KIF16B: variants seen among roughly 807,000 people sequenced by gnomAD.
The protein encoded by KIF16B is kinesin-like protein KIF16B.
A neutral mutation model predicts 156.3 loss-of-function variants in KIF16B; 98 were observed. The observed-to-expected ratio is 0.63, with a 90% CI of 0.53 to 0.74. The LOEUF is 0.74. Ranked by LOEUF, KIF16B falls within the 30% of genes least tolerant of loss-of-function variation. The probability of loss-of-function intolerance (pLI) is 0.00; values close to 1 mark genes in which losing one functional copy is unlikely to be tolerated. For synonymous variants in KIF16B, 564 were observed against 583.7 expected, an observed-to-expected ratio of 0.97 and a Z score of 0.49; for missense variants, 1,421 against 1,606.5, an observed-to-expected ratio of 0.88 and a Z score of 1.97.
chr20:16,389,049 C>T (rs1402567544), intron 17 of KIF16B, among the ~76,000 whole-genome samples: 2 of 151,874 alleles, frequency 1.3e-5, no homozygotes, highest in East Asian at 1.9e-4. Context: ...AGGCGGTCTC[C>T]CTATGGGACA....
rs6111044 is a variant in KIF16B at position 16,312,374 on chromosome 20, C to T, written c.3756G>A (p.Lys1252=). The T allele has an allele frequency of 1.2e-6, 2 of 1,613,496 alleles. No individual in the cohort carries two copies. Among genetic ancestry groups the T allele is most frequent in the Non-Finnish European group, 1.7e-6 (2 of 1,179,800 alleles). ...GTCTCTCAGCAATCACACGTTCATC[C>T]TTATTTCCAAATAGTTTCTTTGGAG... ...EFPPKKLFGN[K]DERVIAERRS... The change falls in exon 25 of 26, where the codon AAG becomes AAA. Residue 1252 remains lysine (K), a synonymous_variant. Coordinates refer to ENST00000354981, the MANE Select transcript of KIF16B (RefSeq NM_024704.5).
chr20:16,542,371 T>A (rs187511723), intron 1 of KIF16B, among the ~76,000 whole-genome samples: 62 of 152,234 alleles, frequency 4.1e-4, no homozygotes, highest in African/African-American at 1.4e-3. Context: ...ATAGCCTCAG[T>A]GCAGGAATAA....
intron 12 of KIF16B, among the ~76,000 whole-genome samples, chr20:16,458,122 C>T (rs1451150010): frequency 2.0e-5 from 3 of 152,262 alleles, no homozygotes; most frequent in East Asian, 3.9e-4. Flanking sequence ...TGCCAAAATG[C>T]AGCTGCTGTA....
In KIF16B at chr20:16,406,367, C is replaced by A. The variant is rs1568943406; in HGVS notation, c.1695+7G>T. 2 of 1,612,530 alleles carry A rather than the reference C, an allele frequency of 1.2e-6. No individual in the cohort carries two copies. The highest frequency in any genetic ancestry group is 4.5e-5 in the East Asian group (2 of 44,866). On this transcript the variant is annotated splice_region_variant and intron_variant, in intron 16 of 25. Transcript: ENST00000354981. ...TGGTTCCCTCCTAGAGACGCCGTGT[C>A]CCTCACCTTCCTCTTCTCCCTGAGC...
intron 1 of KIF16B, among the ~76,000 whole-genome samples, chr20:16,532,896 A>G (rs1296746164): frequency 1.3e-5 from 2 of 152,128 alleles, no homozygotes; most frequent in Non-Finnish European, 2.9e-5. Flanking sequence ...ATAACTCCCC[A>G]TCTCAGAACC....
chr20:16,499,343 C>T (rs2068549856), intron 10 of KIF16B, among the ~76,000 whole-genome samples: 1 of 152,206 alleles, frequency 6.6e-6, no homozygotes. Flanking sequence ...AGATGTAATT[C>T]ACCAGTTAGG....
At chr20:16,550,917 A>C (rs2070625628) in intron 1 of KIF16B, among the ~76,000 whole-genome samples, 1 of 152,154 alleles carries the variant, frequency 6.6e-6, no homozygotes, top group South Asian at 2.1e-4. Context: ...AGTTGCCAAC[A>C]TATTTAAAAT....
intron 15 of KIF16B, 26 bp downstream of exon 15, chr20:16,427,078 G>A (rs759959710): frequency 1.3e-6 from 2 of 1,582,506 alleles, no homozygotes; most frequent in Non-Finnish European, 1.7e-6. Context: ...TATATACAAA[G>A]ACCTGTGAAA....
At chr20:16,536,791 C>A (rs946667447) in intron 1 of KIF16B, among the ~76,000 whole-genome samples, 7 of 152,140 alleles carry the variant, frequency 4.6e-5, no homozygotes, top group African/African-American at 1.7e-4. Context: ...TCCTTCCCAT[C>A]CACACCCTGT....
At chr20:16,368,356 C>A in intron 22 of KIF16B, 1 of 989,274 alleles carries the variant, frequency 1.0e-6, no homozygotes, top group Non-Finnish European at 1.2e-6. Flanking sequence ...GCTCTCGCTG[C>A]TGCCAACCCG....
chr20:16,486,794 A>G (rs2068129282), intron 12 of KIF16B, among the ~76,000 whole-genome samples: 1 of 152,200 alleles, frequency 6.6e-6, no homozygotes, highest in South Asian at 2.1e-4. Context: ...CTGAGGTCAG[A>G]AGCATCAAAT....
At chr20:16,525,113 C>T (rs537647649) in intron 3 of KIF16B, among the ~76,000 whole-genome samples, 28 of 152,146 alleles carry the variant, frequency 1.8e-4, no homozygotes, top group African/African-American at 5.8e-4. Flanking sequence ...CGCCATGGCA[C>T]GTGTATACCT....
At chr20:16,476,569 A>AG (rs2146801639) in intron 12 of KIF16B, among the ~76,000 whole-genome samples, 1 of 152,322 alleles carries the variant, frequency 6.6e-6, no homozygotes, top group East Asian at 1.9e-4. Flanking sequence ...AAATCTCTAA[A>AG]GGAGAACAAT....
At chr20:16,563,108 A>C (rs1004794132) in intron 1 of KIF16B, among the ~76,000 whole-genome samples, 16 of 152,254 alleles carry the variant, frequency 1.1e-4, no homozygotes, top group African/African-American at 3.9e-4. Flanking sequence ...TCACAGAAAC[A>C]GCTATTTCCT....
intron 12 of KIF16B, among the ~76,000 whole-genome samples, chr20:16,480,564 T>C (rs74733599): frequency 6.6e-6 from 1 of 152,222 alleles, no homozygotes; most frequent in African/African-American, 2.4e-5. Flanking sequence ...TCAGAATGAG[T>C]AGGAACTCAA....
At chr20:16,448,562 G>A (rs1333756596) in intron 12 of KIF16B, among the ~76,000 whole-genome samples, 1 of 152,096 alleles carries the variant, frequency 6.6e-6, no homozygotes, top group Non-Finnish European at 1.5e-5. Context: ...CCTCAGCCAG[G>A]CAAAAGCAAA....
At chr20:16,441,025 T>C (rs1168358386) in intron 12 of KIF16B, among the ~76,000 whole-genome samples, 1 of 152,208 alleles carries the variant, frequency 6.6e-6, no homozygotes, top group African/African-American at 2.4e-5. Flanking sequence ...AACTAGACTT[T>C]TTAAGTAGAG....
At chr20:16,415,074 G>C (rs1287087263) in intron 15 of KIF16B, among the ~76,000 whole-genome samples, 1 of 152,132 alleles carries the variant, frequency 6.6e-6, no homozygotes, top group African/African-American at 2.4e-5. Context: ...TCAGGACACA[G>C]CCTCATTGTA....
At chr20:16,298,864 C>T (rs1008190592) in intron 25 of KIF16B, among the ~76,000 whole-genome samples, 2 of 149,712 alleles carry the variant, frequency 1.3e-5, no homozygotes, top group Non-Finnish European at 3.0e-5. Context: ...AGGAATTCAA[C>T]AGGTAAATGA....
Sources: gnomAD v4.1 joint callset for allele counts (sites outside exome capture counted in the v4.1 genomes callset) on GRCh38, gnomAD v4.1.1 for gene constraint, MANE v1.5 for transcripts, NCBI Gene and HGNC (gene_info 2026-07-23, HGNC 2026-07-21) for gene names.